STK3: variants seen among roughly 807,000 people sequenced by gnomAD.
The protein encoded by STK3 is serine/threonine-protein kinase 3.
A neutral mutation model predicts 58.0 loss-of-function variants in STK3; 41 were observed. The observed-to-expected ratio is 0.71, with a 90% CI of 0.55 to 0.92. The LOEUF is 0.92. Ranked by LOEUF, STK3 falls within the 40% of genes least tolerant of loss-of-function variation. The pLI is 0.00. For missense variants in STK3, 479 were observed against 602.7 expected (o/e 0.79, Z 2.15); for synonymous variants, 170 against 191.0 (o/e 0.89, Z 0.91).
intron 7 of STK3, among the ~76,000 whole-genome samples, chr8:98,590,301 T>G (rs1815177044): frequency 6.6e-6 from 1 of 152,220 alleles, no homozygotes; most frequent in Non-Finnish European, 1.5e-5. Context: ...AGCCTCAATG[T>G]GCCCTGATGC....
chr8:98,874,338 A>G (rs200169536), intron 3 of STK3, among the ~76,000 whole-genome samples: 8 of 152,222 alleles, frequency 5.3e-5, no homozygotes, highest in African/African-American at 7.2e-5. Flanking sequence ...TGCTCTTCTC[A>G]AGGAGTATCT....
intron 1 of STK3, among the ~76,000 whole-genome samples, chr8:98,895,899 T>C (rs181584552): frequency 6.6e-6 from 1 of 152,308 alleles, no homozygotes; most frequent in African/African-American, 2.4e-5. Context: ...AGGGAACAAA[T>C]ATTTATTGAA....
chr8:98,927,881 T>A (rs1839860733), intron 1 of STK3, among the ~76,000 whole-genome samples: 1 of 152,212 alleles, frequency 6.6e-6, no homozygotes, highest in Non-Finnish European at 1.5e-5. Flanking sequence ...AAAGAGATCC[T>A]CATGATATGG....
chr8:98,853,996 T>C (rs1368147872), intron 3 of STK3, among the ~76,000 whole-genome samples: 1 of 152,160 alleles, frequency 6.6e-6, no homozygotes, highest in African/African-American at 2.4e-5. Context: ...GTGAGATCAA[T>C]ATTACCTAGA....
intron 8 of STK3, among the ~76,000 whole-genome samples, chr8:98,575,293 G>A (rs1307832762): frequency 6.6e-6 from 1 of 151,504 alleles, no homozygotes; most frequent in Non-Finnish European, 1.5e-5. Flanking sequence ...CCCTCAAAAG[G>A]TGGAGCCTCA....
chr8:98,494,661 A>G (rs1822985265), intron 10 of STK3, among the ~76,000 whole-genome samples: 1 of 148,476 alleles, frequency 6.7e-6, no homozygotes. Context: ...TCTCAAAAAA[A>G]AAAAAAAAAA....
chr8:98,939,639 G>A (rs546327633), intron 1 of STK3, among the ~76,000 whole-genome samples: 1 of 152,342 alleles, frequency 6.6e-6, no homozygotes, highest in East Asian at 1.9e-4. Context: ...AGGAACGGAG[G>A]TCATCGGAAA....
chr8:98,655,111 A>G (rs1404179812), intron 6 of STK3, among the ~76,000 whole-genome samples: 1 of 152,116 alleles, frequency 6.6e-6, no homozygotes, highest in Non-Finnish European at 1.5e-5. Context: ...TAACCAAAAC[A>G]GCATGGTACT....
At chr8:98,758,272 AAG>A (rs1830421240) in intron 3 of STK3, among the ~76,000 whole-genome samples, 1 of 152,238 alleles carries the variant, frequency 6.6e-6, no homozygotes, top group Admixed American at 6.5e-5. Context: ...AAAGCTGAGG[AAG>A]AGAGACTCCT....
chr8:98,901,393 T>G (rs994634362), intron 1 of STK3, among the ~76,000 whole-genome samples: 2 of 152,254 alleles, frequency 1.3e-5, no homozygotes, highest in African/African-American at 2.4e-5. Context: ...CTTCACATTT[T>G]CTGTTAATCA....
intron 3 of STK3, chr8:98,427,887 C>T (rs1051458420): frequency 2.6e-6 from 3 of 1,133,646 alleles, no homozygotes; most frequent in Admixed American, 2.9e-5. Context: ...GGAGAGGGGG[C>T]CCCGCCAGGG....
chr8:98,847,434 T>G (rs909632802), intron 3 of STK3, among the ~76,000 whole-genome samples: 6 of 152,204 alleles, frequency 3.9e-5, no homozygotes, highest in African/African-American at 7.2e-5. Context: ...TCCTGAATTT[T>G]GAACCCGAAC....
chr8:98,884,041 A>G (rs753470161), intron 1 of STK3, among the ~76,000 whole-genome samples: 7 of 152,194 alleles, frequency 4.6e-5, no homozygotes, highest in African/African-American at 9.6e-5. Context: ...CGGACAGCCA[A>G]TGTGGACAAG....
intron 6 of STK3, among the ~76,000 whole-genome samples, chr8:98,596,730 G>C (rs1453842506): frequency 6.6e-6 from 1 of 151,884 alleles, no homozygotes; most frequent in Non-Finnish European, 1.5e-5. Context: ...ACTAATGATT[G>C]AGTACTTATA....
intron 3 of STK3, among the ~76,000 whole-genome samples, chr8:98,834,715 G>C (rs1426269824): frequency 2.0e-5 from 3 of 152,188 alleles, no homozygotes; most frequent in African/African-American, 4.8e-5. Context: ...CCATTCATGA[G>C]GGTAGCCCTT....
chr8:98,458,972 G>A (rs186729316), intron 10 of STK3, among the ~76,000 whole-genome samples: 3 of 128,204 alleles, frequency 2.3e-5, no homozygotes, highest in Non-Finnish European at 3.3e-5. Flanking sequence ...GTAGTGGGGC[G>A]CTGCTATAAA....
At chr8:98,767,446 T>G in intron 2 of STK3, 75 bp from the exon 3 acceptor site, 1 of 1,365,506 alleles carries the variant, frequency 7.3e-7, no homozygotes, top group Non-Finnish European at 9.8e-7. Flanking sequence ...CTATGAGTTT[T>G]CTGTGGATAG....
rs535217170 is a variant in STK3, at chr8:98,693,884, T to C, written c.684+12583A>G. ...GAGCAGGAAAGGAGGACATGGATGCTTTTCTCTTTTTTGGTGTTGGGTTTT... is the reference window on the plus strand; with the variant it reads ...GAGCAGGAAAGGAGGACATGGATGCCTTTCTCTTTTTTGGTGTTGGGTTTT... On this transcript the variant is annotated intron_variant, in intron 6 of 10. Coordinates refer to ENST00000419617, the MANE Select transcript of STK3 (RefSeq NM_006281.4). 5.9e-5 allele frequency among the ~76,000 whole-genome samples: 9 copies of C among 152,296 alleles called. 1 individual carries two copies. In the South Asian group the frequency reaches 1.9e-3, roughly 32 times the overall value.
intron 8 of STK3, among the ~76,000 whole-genome samples, chr8:98,563,791 A>C (rs1420302293): frequency 6.6e-6 from 1 of 152,186 alleles, no homozygotes; most frequent in Non-Finnish European, 1.5e-5. Context: ...ATAAATAAAT[A>C]AACATAGTAG....
Sources: allele counts gnomAD v4.1 joint callset (sites outside exome capture counted in the v4.1 genomes callset), GRCh38; gene constraint gnomAD v4.1.1; transcripts MANE v1.5; gene names NCBI Gene and HGNC (gene_info 2026-07-23, HGNC 2026-07-21).